Variants in SOX5 observed in about 807,000 individuals in gnomAD.
SOX5 encodes the protein SRY-box transcription factor 5.
Under a neutral mutation model 92.0 loss-of-function variants are expected in SOX5, and 9 were observed. That is an observed-to-expected ratio of 0.10 (90% CI 0.06 to 0.17). The LOEUF is 0.17. SOX5 is among the 10% of genes least tolerant of loss of function. The pLI is 1.00. For missense variants in SOX5, 642 were observed against 944.5 expected, an observed-to-expected ratio of 0.68 and a Z score of 4.20; for synonymous variants, 344 against 336.3, an observed-to-expected ratio of 1.02 and a Z score of -0.25.
At chr12:23,895,736 AGAG>A (rs2097170398) in intron 2 of SOX5, 54 bp downstream of exon 2, 2 of 1,199,090 alleles carry the variant, frequency 1.7e-6, no homozygotes, top group East Asian at 2.3e-5. Context: ...CCAAACTATT[AGAG>A]GAGTAGACTG....
intron 8 of SOX5, among the ~76,000 whole-genome samples, chr12:23,626,261 C>T (rs2077773192): frequency 6.6e-6 from 1 of 152,020 alleles, no homozygotes; most frequent in Admixed American, 6.6e-5. Context: ...AATAAAACAG[C>T]ATTCTGATTT....
chr12:24,309,293 A>G (rs1326594823), intron 2 of SOX5, among the ~76,000 whole-genome samples: 1 of 152,168 alleles, frequency 6.6e-6, no homozygotes, highest in African/African-American at 2.4e-5. Context: ...GTTAATTGTC[A>G]ATTTGCATCT....
chr12:23,949,612 C>T lies in SOX5; in HGVS notation c.-11G>A, dbSNP rs1267537508. On this transcript the variant is annotated 5_prime_UTR_variant, in exon 1 of 15. Transcript: ENST00000451604. ...AGGGTCAGTAAGCATGCTGGAAAAGCACAATTTCCCTTTGTCACAGCAGCC... is the reference window on the plus strand; with the variant it reads ...AGGGTCAGTAAGCATGCTGGAAAAGTACAATTTCCCTTTGTCACAGCAGCC... The T allele has an allele frequency of 2.5e-6, 4 of 1,613,696 alleles. No homozygotes were observed. The African/African-American group carries it at 4.0e-5, about 16-fold the overall frequency.
chr12:23,651,215 T>C (rs535973914), intron 7 of SOX5, among the ~76,000 whole-genome samples: 1 of 152,018 alleles, frequency 6.6e-6, no homozygotes, highest in Non-Finnish European at 1.5e-5. Context: ...CATATACATA[T>C]ACACATATAT....
intron 4 of SOX5, among the ~76,000 whole-genome samples, chr12:24,096,925 G>A (rs374583881): frequency 6.6e-6 from 1 of 152,070 alleles, no homozygotes; most frequent in East Asian, 1.9e-4. Flanking sequence ...GGTAATTTTT[G>A]TGTTTAATGT....
At chr12:24,438,191 C>G (rs1939815187) in intron 1 of SOX5, among the ~76,000 whole-genome samples, 1 of 152,084 alleles carries the variant, frequency 6.6e-6, no homozygotes, top group Admixed American at 6.5e-5. Flanking sequence ...AACAGAAAAC[C>G]AAACCCCACA....
At chr12:24,377,818 T>A (rs777414508) in intron 1 of SOX5, among the ~76,000 whole-genome samples, 1 of 152,148 alleles carries the variant, frequency 6.6e-6, no homozygotes, top group African/African-American at 2.4e-5. Flanking sequence ...CTTAGAACCA[T>A]CCCTGGTACC....
chr12:24,299,709 T>G (rs2140622801), intron 2 of SOX5, among the ~76,000 whole-genome samples: 1 of 152,340 alleles, frequency 6.6e-6, no homozygotes, highest in East Asian at 1.9e-4. Flanking sequence ...TAAATTAATT[T>G]CAGAAAAATA....
At chr12:23,581,893 AAT>A (rs146346074) in intron 9 of SOX5, among the ~76,000 whole-genome samples, 25 of 149,842 alleles carry the variant, frequency 1.7e-4, no homozygotes, top group Admixed American at 4.7e-4. Context: ...TGATTGAAAA[AAT>A]ATATATATAT....
chr12:24,451,593 T>C (rs889663973), intron 1 of SOX5, among the ~76,000 whole-genome samples: 1 of 152,220 alleles, frequency 6.6e-6, no homozygotes, highest in African/African-American at 2.4e-5. Flanking sequence ...AAAAAATGAA[T>C]ATCTAATATT....
chr12:23,792,889 A>C (rs1194903846), intron 3 of SOX5, among the ~76,000 whole-genome samples: 1 of 152,056 alleles, frequency 6.6e-6, no homozygotes, highest in Admixed American at 6.6e-5. Flanking sequence ...GTTGAAGACA[A>C]CTCACCTCTT....
intron 4 of SOX5, among the ~76,000 whole-genome samples, chr12:24,140,148 C>G (rs1296212181): frequency 6.6e-6 from 1 of 152,052 alleles, no homozygotes; most frequent in East Asian, 1.9e-4. Context: ...ATAAAAAGTC[C>G]AAAGTAATGG....
intron 3 of SOX5, among the ~76,000 whole-genome samples, chr12:24,215,022 A>G (rs1959057017): frequency 1.3e-5 from 2 of 152,114 alleles, no homozygotes; most frequent in Non-Finnish European, 2.9e-5. Context: ...ATCTCTATAG[A>G]TGCTGAAAAG....
chr12:23,770,548 A>T (rs1179763831), intron 3 of SOX5, among the ~76,000 whole-genome samples: 2 of 151,532 alleles, frequency 1.3e-5, no homozygotes, highest in African/African-American at 4.8e-5. Flanking sequence ...CTTTTTTCAG[A>T]TTTTTTTTTC....
chr12:24,352,406 C>T (rs1322066533), intron 2 of SOX5, among the ~76,000 whole-genome samples: 5 of 152,158 alleles, frequency 3.3e-5, no homozygotes. Flanking sequence ...TATGGGGCTT[C>T]AGTGGAGTCA....
intron 4 of SOX5, among the ~76,000 whole-genome samples, chr12:24,171,225 G>GT (rs796864348): frequency 8.2e-5 from 4 of 48,976 alleles, no homozygotes; most frequent in South Asian, 8.3e-4. Flanking sequence ...TTGTTTGTTT[G>GT]TTTGTTTTTT....
chr12:24,475,174 G>A (rs920453542), intron 1 of SOX5, among the ~76,000 whole-genome samples: 2 of 152,240 alleles, frequency 1.3e-5, no homozygotes, highest in African/African-American at 4.8e-5. Context: ...ACATTGTCAT[G>A]TGTTTTGCTC....
rs75645826 is a variant in SOX5 at position 23,872,676 on chromosome 12, A to G, written c.270+23117T>C. ...CTTAATATACACTTTTGCAAACATA[A>G]TAACATTTAGCCAGACCATTTGGTA... is the stretch of plus-strand genomic sequence containing the variant. On this transcript the variant is annotated intron_variant, in intron 2 of 14. Transcript: ENST00000451604. Among the ~76,000 whole-genome samples, 1,462 of 152,344 alleles carry G rather than the reference A, an allele frequency of 9.6e-3. 18 individuals carry two copies. Among genetic ancestry groups the G allele is most frequent in the African/African-American group, 0.033 (1,376 of 41,574 alleles).
chr12:23,859,329 A>G (rs2096728577), intron 2 of SOX5, among the ~76,000 whole-genome samples: 1 of 152,176 alleles, frequency 6.6e-6, no homozygotes, highest in Non-Finnish European at 1.5e-5. Flanking sequence ...TTCCAGGGGT[A>G]GGCCTACAGA....
Sources: gnomAD v4.1 joint callset for allele counts (sites outside exome capture counted in the v4.1 genomes callset) on GRCh38, gnomAD v4.1.1 for gene constraint, MANE v1.5 for transcripts, NCBI Gene and HGNC (gene_info 2026-07-23, HGNC 2026-07-21) for gene names.